Variants in SIK3 observed in about 807,000 individuals in gnomAD.
SIK3 encodes serine/threonine-protein kinase SIK3.
SIK3 carries 28 observed loss-of-function variants against 144.2 expected under a neutral mutation model. The observed-to-expected ratio is 0.19, with a 90% confidence interval of 0.14 to 0.27. SIK3 has a LOEUF of 0.27. SIK3 is among the 10% of genes least tolerant of loss of function. The pLI is 1.00. For missense variants in SIK3, 1,319 were observed against 1,776.0 expected (o/e 0.74, Z 4.62); for synonymous variants, 686 against 676.3 (o/e 1.01, Z -0.22).
At chr11:116,964,207 G>T (rs1949443079) in intron 1 of SIK3, among the ~76,000 whole-genome samples, 1 of 151,976 alleles carries the variant, frequency 6.6e-6, no homozygotes, top group South Asian at 2.1e-4. Context: ...TAGCAACAGG[G>T]TCTCACTATG....
chr11:116,903,259 T>C (rs371351577), intron 4 of SIK3, among the ~76,000 whole-genome samples: 2 of 152,358 alleles, frequency 1.3e-5, no homozygotes, highest in East Asian at 1.9e-4. Context: ...GACATTTTGC[T>C]GCACATTTTA....
chr11:116,944,349 T>C (rs74605511), intron 3 of SIK3, among the ~76,000 whole-genome samples: 7,290 of 152,160 alleles, frequency 0.048, 581 homozygotes, highest in African/African-American at 0.17. Context: ...GCCACACCCA[T>C]ATAGTCTCAG....
chr11:116,931,967 T>C (rs1947631935), intron 3 of SIK3, among the ~76,000 whole-genome samples: 1 of 152,232 alleles, frequency 6.6e-6, no homozygotes, highest in East Asian at 1.9e-4. Flanking sequence ...ACCGGGCTTC[T>C]TGACTTGTTG....
chr11:117,058,828 C>T (rs917494643), intron 1 of SIK3, among the ~76,000 whole-genome samples: 1 of 152,204 alleles, frequency 6.6e-6, no homozygotes, highest in Admixed American at 6.5e-5. Flanking sequence ...GAAATCATTT[C>T]TTCAGGCCCT....
intron 1 of SIK3, among the ~76,000 whole-genome samples, chr11:117,041,495 A>C (rs1391610914): frequency 1.3e-5 from 2 of 152,204 alleles, no homozygotes; most frequent in Non-Finnish European, 2.9e-5. Flanking sequence ...TTTCCTCCTA[A>C]TATATTTAAG....
Position 117,087,161 on chromosome 11 carries a change from C to T in SIK3, c.273+10982G>A, listed in dbSNP as rs530514610. ...AAGCAAGTAAAAGGTGAGACTTGGC[C>T]GGGTGCGGTGGCTCATGCCTGTAAT... On this transcript the variant is annotated intron_variant, in intron 1 of 24. Transcript: ENST00000445177. Among the ~76,000 whole-genome samples the T allele has an allele frequency of 3.9e-5, 6 of 151,974 alleles. No homozygotes were observed. In the South Asian group the frequency reaches 1.2e-3, roughly 32 times the overall value.
In SIK3 at chr11:116,875,558, A is replaced by G. The variant is rs917327589; in HGVS notation, c.1240-107T>C. On this transcript the variant is annotated intron_variant, in intron 9 of 24. Coordinates refer to ENST00000445177, the MANE Select transcript of SIK3 (RefSeq NM_001366686.3). ...TAAAGTCTATGTTTCCCTGATTACT[A>G]AAGTTTTTGGTTCATCGGCCCTTAG... The G allele has an allele frequency of 1.0e-5, 13 of 1,302,130 alleles. No homozygotes were observed. In the South Asian group the frequency reaches 1.5e-4, roughly 15 times the overall value. 80.7% of individuals were successfully genotyped at this position (1,302,130 alleles called of 1,614,324 possible). A position where few individuals can be genotyped will look rare whatever the true frequency, so the allele number is the denominator to read the frequency against.
intron 4 of SIK3, among the ~76,000 whole-genome samples, chr11:116,925,674 G>A (rs917416324): frequency 2.6e-5 from 4 of 152,196 alleles, no homozygotes; most frequent in African/African-American, 9.6e-5. Context: ...GTGAAGTTTA[G>A]TAGGTATTAT....
intron 1 of SIK3, among the ~76,000 whole-genome samples, chr11:117,013,103 A>G (rs1951335130): frequency 6.6e-6 from 1 of 152,088 alleles, no homozygotes; most frequent in African/African-American, 2.4e-5. Flanking sequence ...CCAACTTTTT[A>G]ATCACCAAAG....
intron 1 of SIK3, among the ~76,000 whole-genome samples, chr11:117,048,583 G>A (rs1342011770): frequency 2.0e-5 from 3 of 152,118 alleles, no homozygotes; most frequent in Non-Finnish European, 4.4e-5. Flanking sequence ...CTGAACCCTA[G>A]AGGCGGAGGT....
At chr11:116,892,977 T>C (rs1240567241) in intron 6 of SIK3, among the ~76,000 whole-genome samples, 1 of 152,200 alleles carries the variant, frequency 6.6e-6, no homozygotes, top group Non-Finnish European at 1.5e-5. Context: ...GCATCCTGTA[T>C]GTTTCTACCC....
At chr11:116,863,857 A>AG (rs1166941326) in intron 15 of SIK3, 39 bp from the exon 16 acceptor site, 1 of 1,540,062 alleles carries the variant, frequency 6.5e-7, no homozygotes, top group Admixed American at 2.0e-5. Flanking sequence ...GCTAGGACTC[A>AG]GGGGCTTTGA....
intron 1 of SIK3, among the ~76,000 whole-genome samples, chr11:117,026,127 T>C (rs541323517): frequency 3.3e-5 from 5 of 152,176 alleles, no homozygotes; most frequent in Non-Finnish European, 7.4e-5. Context: ...AGAGGTCCTG[T>C]AAGATGATAA....
At chr11:116,959,479 A>G (rs550107992) in intron 1 of SIK3, among the ~76,000 whole-genome samples, 2 of 152,336 alleles carry the variant, frequency 1.3e-5, no homozygotes, top group Admixed American at 1.3e-4. Context: ...CAACTGTCTA[A>G]GGCCTGTGCC....
intron 3 of SIK3, chr11:116,950,338 G>A (rs538914312): frequency 3.7e-4 from 122 of 331,122 alleles, no homozygotes; most frequent in Non-Finnish European, 5.6e-4. Context: ...CATTGTTTTC[G>A]AATAAACTTC....
At chr11:117,075,840 CTTTT>C (rs1037271983) in intron 1 of SIK3, among the ~76,000 whole-genome samples, 4 of 40,928 alleles carry the variant, frequency 9.8e-5, no homozygotes, top group African/African-American at 1.6e-4. Flanking sequence ...CCAAGCCTGG[CTTTT>C]TTTTTTTTTT....
At chr11:117,023,377 CA>C (rs1951852164) in intron 1 of SIK3, among the ~76,000 whole-genome samples, 1 of 150,416 alleles carries the variant, frequency 6.6e-6, no homozygotes, top group Admixed American at 6.7e-5. Context: ...ACTAATATTG[CA>C]GGAAGAGAGA....
At chr11:117,029,652 T>C (rs1294040944) in intron 1 of SIK3, among the ~76,000 whole-genome samples, 1 of 152,036 alleles carries the variant, frequency 6.6e-6, no homozygotes, top group East Asian at 1.9e-4. Flanking sequence ...AATCTTAAAA[T>C]GTAATGATTG....
intron 1 of SIK3, among the ~76,000 whole-genome samples, chr11:116,969,865 T>TG (rs1045567303): frequency 6.6e-6 from 1 of 152,194 alleles, no homozygotes; most frequent in Non-Finnish European, 1.5e-5. Flanking sequence ...ACGAATGCAG[T>TG]GGGTGCTGAG....
Sources: gnomAD v4.1 joint callset for allele counts (sites outside exome capture counted in the v4.1 genomes callset) on GRCh38, gnomAD v4.1.1 for gene constraint, MANE v1.5 for transcripts, NCBI Gene and HGNC (gene_info 2026-07-23, HGNC 2026-07-21) for gene names.